Variants in CACNA1D observed in about 807,000 individuals in gnomAD.
The protein encoded by CACNA1D is calcium voltage-gated channel subunit alpha1 D, also known as voltage-dependent L-type calcium channel subunit alpha-1D.
CACNA1D carries 55 observed loss-of-function variants against 257.1 expected under a neutral mutation model. That is an observed-to-expected ratio of 0.21 (90% CI 0.17 to 0.27). The LOEUF (loss-of-function observed/expected upper bound fraction) is 0.27, where lower values mean the gene tolerates loss of function less well. CACNA1D is among the 10% of genes least tolerant of loss of function. The pLI, the probability that CACNA1D is intolerant of heterozygous loss-of-function variation, is 1.00. For synonymous variants in CACNA1D, 980 were observed against 1,014.9 expected (o/e 0.97, Z 0.65); for missense variants, 1,876 against 2,784.0 (o/e 0.67, Z 7.34).
chr3:53,651,361 A>ATTTTTTTTTTTTTTT (rs1576235107), intron 4 of CACNA1D, among the ~76,000 whole-genome samples: 6 of 57,160 alleles, frequency 1.0e-4, no homozygotes, highest in African/African-American at 3.2e-4. Flanking sequence ...AAAGCTATTA[A>ATTTTTTTTTTTTTTT]TTTTCTTTTT....
intron 3 of CACNA1D, among the ~76,000 whole-genome samples, chr3:53,513,980 G>A (rs1365281762): frequency 2.0e-5 from 3 of 152,152 alleles, no homozygotes; most frequent in Admixed American, 6.5e-5. Context: ...AGTACACTCC[G>A]TGTTCACACA....
chr3:53,597,107 G>C (rs1183237378), intron 3 of CACNA1D, among the ~76,000 whole-genome samples: 1 of 152,172 alleles, frequency 6.6e-6, no homozygotes, highest in East Asian at 1.9e-4. Flanking sequence ...AACCACCTGA[G>C]AGAGATTTTA....
intron 9 of CACNA1D, among the ~76,000 whole-genome samples, chr3:53,707,047 G>A (rs1395010860): frequency 3.3e-5 from 5 of 152,062 alleles, no homozygotes; most frequent in Non-Finnish European, 7.3e-5. Context: ...TCGAGATAGG[G>A]CAGCACAGCT....
chr3:53,634,802 C>T (rs948160320), intron 3 of CACNA1D, among the ~76,000 whole-genome samples: 2 of 152,156 alleles, frequency 1.3e-5, no homozygotes, highest in South Asian at 2.1e-4. Flanking sequence ...ATGAGGAGAC[C>T]GTTGCTTGGA....
At position 53,652,030 on chromosome 3, in the gene CACNA1D, C is replaced by T. The variant is rs149069394; in HGVS notation, c.623+1112C>T. Among the ~76,000 whole-genome samples, 755 of 152,180 alleles carry T rather than the reference C, an allele frequency of 5.0e-3. 10 individuals are homozygous for T. The highest frequency in any genetic ancestry group is 0.017 in the African/African-American group (723 of 41,500). ...ACAAGTTAGCTTTTCAAACCGCCCC[C>T]GCCGCCAATACATTGTCATTTAAGG... On this transcript the variant is annotated intron_variant, in intron 4 of 47. Coordinates refer to ENST00000350061, the MANE Select transcript of CACNA1D (RefSeq NM_001128840.3).
chr3:53,598,524 G>A (rs925984664), intron 3 of CACNA1D, among the ~76,000 whole-genome samples: 3 of 151,238 alleles, frequency 2.0e-5, no homozygotes, highest in Non-Finnish European at 2.9e-5. Flanking sequence ...GGCAGAGGTC[G>A]TAGTGAACTG....
chr3:53,605,816 C>T (rs2093502664), intron 3 of CACNA1D, among the ~76,000 whole-genome samples: 3 of 152,176 alleles, frequency 2.0e-5, no homozygotes, highest in Admixed American at 6.5e-5. Flanking sequence ...AGCATGTGAC[C>T]TGGAGACTGC....
chr3:53,543,006 T>C (rs1027821055), intron 3 of CACNA1D, among the ~76,000 whole-genome samples: 1 of 151,168 alleles, frequency 6.6e-6, no homozygotes, highest in Non-Finnish European at 1.5e-5. Context: ...GAGCCGAGAT[T>C]GTGCCATTGC....
intron 8 of CACNA1D, among the ~76,000 whole-genome samples, chr3:53,688,315 G>GT (rs2094491199): frequency 6.6e-6 from 1 of 152,202 alleles, no homozygotes; most frequent in South Asian, 2.1e-4. Flanking sequence ...CTGTTGTAGT[G>GT]AGGGGAGCAC....
At chr3:53,679,728 A>G (rs1417672982) in intron 8 of CACNA1D, 2 of 152,242 alleles carry the variant, frequency 1.3e-5, no homozygotes, top group African/African-American at 4.8e-5. Context: ...ACTTCCCCAC[A>G]TTTAGCTGGA....
intron 3 of CACNA1D, among the ~76,000 whole-genome samples, chr3:53,537,117 T>C (rs558141878): frequency 1.3e-5 from 2 of 152,300 alleles, no homozygotes; most frequent in East Asian, 3.9e-4. Context: ...AAAATCTCTC[T>C]CCTACATTGT....
intron 39 of CACNA1D, among the ~76,000 whole-genome samples, chr3:53,783,945 A>G (rs2095439411): frequency 6.6e-6 from 1 of 152,194 alleles, no homozygotes; most frequent in African/African-American, 2.4e-5. Context: ...AGTGGCTGGG[A>G]CTGGCAGATG....
intron 3 of CACNA1D, among the ~76,000 whole-genome samples, chr3:53,572,680 G>T (rs111975320): frequency 6.6e-6 from 1 of 152,180 alleles, no homozygotes; most frequent in African/African-American, 2.4e-5. Context: ...GATTACAGGC[G>T]TGAGCCACAG....
intron 3 of CACNA1D, among the ~76,000 whole-genome samples, chr3:53,648,680 C>T (rs1576225063): frequency 6.6e-6 from 1 of 151,608 alleles, no homozygotes; most frequent in East Asian, 1.9e-4. Context: ...GTATGAAGGG[C>T]ATGGGGGAAG....
intron 3 of CACNA1D, among the ~76,000 whole-genome samples, chr3:53,560,269 A>G (rs536598850): frequency 5.3e-5 from 8 of 151,690 alleles, no homozygotes; most frequent in Non-Finnish European, 1.2e-4. Flanking sequence ...ATTTGTTGTT[A>G]TTTACTTTTC....
chr3:53,665,569 C>T, intron 5 of CACNA1D, 91 bp from the exon 6 acceptor site: 1 of 969,288 alleles, frequency 1.0e-6, no homozygotes, highest in Admixed American at 1.8e-5. Flanking sequence ...ACTATGTGTT[C>T]TAAGTAAAGG....
At chr3:53,554,563 G>T (rs2092603186) in intron 3 of CACNA1D, among the ~76,000 whole-genome samples, 1 of 152,178 alleles carries the variant, frequency 6.6e-6, no homozygotes, top group African/African-American at 2.4e-5. Context: ...CATGCACTTA[G>T]ATTTCGTTAC....
chr3:53,591,257 A>G (rs2093300262), intron 3 of CACNA1D, among the ~76,000 whole-genome samples: 1 of 151,586 alleles, frequency 6.6e-6, no homozygotes, highest in African/African-American at 2.4e-5. Context: ...TGTTTTATTT[A>G]TTTATTTAGT....
Position 53,811,277 on chromosome 3 carries a change from G to A in CACNA1D, c.6357G>A (p.Val2119=). The change falls in exon 48 of 48, where the codon GTG becomes GTA. Residue 2119 remains valine (V), a synonymous_variant. Coordinates refer to ENST00000350061, the MANE Select transcript of CACNA1D (RefSeq NM_001128840.3). This position sits in a 1 kb window ranked among gnomAD's most constrained non-coding sequence, Gnocchi z 4.2. ...GNVRPRANGD[V]GPLSHRQDYE... is the part of the protein sequence containing the mutation. ...TGCGTCCCCGAGCCAACGGGGATGTGGGCCCCCTCTCACACCGGCAGGACT... is the reference window on the plus strand; with the variant it reads ...TGCGTCCCCGAGCCAACGGGGATGTAGGCCCCCTCTCACACCGGCAGGACT... The A allele has an allele frequency of 6.2e-7, 1 of 1,613,906 alleles. No homozygotes were observed. Among genetic ancestry groups the A allele is most frequent in the South Asian group, 1.1e-5 (1 of 91,088 alleles).
Sources: allele counts gnomAD v4.1 joint callset (sites outside exome capture counted in the v4.1 genomes callset), GRCh38; gene constraint gnomAD v4.1.1; non-coding constraint Gnocchi (gnomAD v3.1); transcripts MANE v1.5; gene names NCBI Gene and HGNC (gene_info 2026-07-23, HGNC 2026-07-21).